The following SDK1 variants were observed in gnomAD, a reference collection of about 807,000 sequenced individuals.
SDK1 encodes the protein sidekick cell adhesion molecule 1.
SDK1 carries 157 observed loss-of-function variants against 245.5 expected under a neutral mutation model. The observed-to-expected ratio is 0.64, with a 90% CI of 0.56 to 0.73. SDK1 has a LOEUF of 0.73. Among genes scored for constraint, SDK1 ranks in the 30% least tolerant of loss-of-function variants. The probability of loss-of-function intolerance (pLI) is 0.00; values close to 1 mark genes in which losing one functional copy is unlikely to be tolerated. For missense variants in SDK1, 3,583 were observed against 3,002.3 expected, an observed-to-expected ratio of 1.19 and a Z score of -4.52; for synonymous variants, 1,647 against 1,278.5, an observed-to-expected ratio of 1.29 and a Z score of -6.15.
intron 1 of SDK1, among the ~76,000 whole-genome samples, chr7:3,555,537 T>C (rs1028518960): frequency 1.3e-5 from 2 of 152,120 alleles, no homozygotes; most frequent in Non-Finnish European, 2.9e-5. Flanking sequence ...AGTAATACTC[T>C]ACAAATATGG....
chr7:4,233,018 G>T (rs1785894795), intron 40 of SDK1: 1 of 450,108 alleles, frequency 2.2e-6, no homozygotes, highest in Non-Finnish European at 4.0e-6. Flanking sequence ...CATTTCAAGT[G>T]TCCAGTTCAG....
intron 5 of SDK1, among the ~76,000 whole-genome samples, chr7:3,841,994 A>T (rs573190675): frequency 6.6e-6 from 1 of 152,188 alleles, no homozygotes; most frequent in Non-Finnish European, 1.5e-5. Flanking sequence ...TAGTACTGAC[A>T]CCTCTCCTCC....
chr7:3,820,900 C>T (rs181359628), intron 4 of SDK1, among the ~76,000 whole-genome samples: 60 of 152,334 alleles, frequency 3.9e-4, no homozygotes, highest in African/African-American at 1.3e-3. Context: ...GTGAAAAAGA[C>T]GTGGCCTGGA....
At chr7:4,203,723 G>A (rs1266108632) in intron 35 of SDK1, among the ~76,000 whole-genome samples, 2 of 152,180 alleles carry the variant, frequency 1.3e-5, no homozygotes, top group Non-Finnish European at 2.9e-5. Context: ...CTCCTGTCAG[G>A]GTGGAGACCC....
At chr7:3,813,450 T>C (rs1159699472) in intron 4 of SDK1, among the ~76,000 whole-genome samples, 88 of 138,952 alleles carry the variant, frequency 6.3e-4, no homozygotes, top group African/African-American at 2.0e-3. Context: ...CTCATCATTT[T>C]TTATGGCTGC....
chr7:3,508,680 CT>C (rs1782476169), intron 1 of SDK1, among the ~76,000 whole-genome samples: 2 of 152,162 alleles, frequency 1.3e-5, no homozygotes, highest in South Asian at 4.1e-4. Flanking sequence ...TTCAAGAGAC[CT>C]TTCCTGATTC....
At chr7:3,610,356 A>G (rs913425896) in intron 1 of SDK1, among the ~76,000 whole-genome samples, 2 of 152,234 alleles carry the variant, frequency 1.3e-5, no homozygotes, top group Non-Finnish European at 2.9e-5. Context: ...AGAATCTTTG[A>G]AAGAAATATT....
chr7:4,131,415 C>G (rs565544464), intron 27 of SDK1, among the ~76,000 whole-genome samples: 16 of 152,328 alleles, frequency 1.1e-4, no homozygotes, highest in African/African-American at 3.8e-4. Context: ...CCTGTGGCCT[C>G]CTACAGACAT....
chr7:3,470,785 C>A (rs568368078), intron 1 of SDK1, among the ~76,000 whole-genome samples: 2 of 152,214 alleles, frequency 1.3e-5, no homozygotes, highest in Non-Finnish European at 2.9e-5. Flanking sequence ...GAGAGAATGG[C>A]TTAGGCTTAT....
In SDK1 at chr7:4,017,347, A is replaced by G; in HGVS notation, c.2597A>G (p.Gln866Arg). 3 of 1,608,290 alleles carry G rather than the reference A, an allele frequency of 1.9e-6. No individual in the cohort carries two copies. Among genetic ancestry groups the G allele is most frequent in the Non-Finnish European group, 2.5e-6 (3 of 1,177,038 alleles). ...FSRAVTEYTL[Q>R]GVPTAPPQNV... Reference sequence around the variant, plus strand: ...AGGGCAGTGACCGAGTACACCTTGCAGGGAGGTAAGCTTGTCTCCAAAACC... The same window carrying G: ...AGGGCAGTGACCGAGTACACCTTGCGGGGAGGTAAGCTTGTCTCCAAAACC... The change falls in exon 17 of 45, where the codon CAG becomes CGG. Residue 866 changes from glutamine (Q) to arginine (R), a missense_variant. By Grantham distance (43) the Gln-to-Arg change is conservative. Transcript: ENST00000404826.
intron 25 of SDK1, among the ~76,000 whole-genome samples, chr7:4,114,775 A>G (rs1036230681): frequency 3.3e-5 from 5 of 152,190 alleles, no homozygotes; most frequent in Non-Finnish European, 5.9e-5. Context: ...CTCTTCCACA[A>G]GGTGATTCAG....
intron 22 of SDK1, among the ~76,000 whole-genome samples, chr7:4,100,069 C>T (rs1012016651): frequency 6.6e-6 from 1 of 152,228 alleles, no homozygotes; most frequent in Non-Finnish European, 1.5e-5. Context: ...CTGCTGCTCT[C>T]CTCACGCCCC....
intron 1 of SDK1, among the ~76,000 whole-genome samples, chr7:3,308,150 G>T (rs1757974244): frequency 6.6e-6 from 1 of 152,120 alleles, no homozygotes; most frequent in South Asian, 2.1e-4. Flanking sequence ...TAATTTATCA[G>T]TATAAGCCTG....
intron 35 of SDK1, among the ~76,000 whole-genome samples, chr7:4,187,879 G>T (rs1240904070): frequency 1.3e-5 from 2 of 152,182 alleles, no homozygotes; most frequent in East Asian, 1.9e-4. Flanking sequence ...TCATGCTGCT[G>T]ATAAAGACAT....
intron 44 of SDK1, among the ~76,000 whole-genome samples, chr7:4,263,541 C>A (rs1217482847): frequency 1.2e-5 from 1 of 83,226 alleles, no homozygotes; most frequent in Non-Finnish European, 2.5e-5. Context: ...GCCGCGTAGA[C>A]GCCTCCTGAG....
intron 4 of SDK1, among the ~76,000 whole-genome samples, chr7:3,648,074 A>G (rs1782903692): frequency 1.3e-5 from 2 of 152,350 alleles, no homozygotes; most frequent in South Asian, 2.1e-4. Context: ...AAAGTTTGCT[A>G]TCTTTGCATA....
chr7:3,408,120 A>T (rs1035060604), intron 1 of SDK1, among the ~76,000 whole-genome samples: 3 of 152,080 alleles, frequency 2.0e-5, no homozygotes, highest in Non-Finnish European at 4.4e-5. Flanking sequence ...TTACTGCCAC[A>T]TCTGCCTCCC....
intron 22 of SDK1, among the ~76,000 whole-genome samples, chr7:4,081,920 T>C (rs1781086144): frequency 1.3e-5 from 2 of 152,182 alleles, no homozygotes; most frequent in Non-Finnish European, 2.9e-5. Flanking sequence ...ATCACACATG[T>C]GTCTAAAATG....
At chr7:3,567,412 G>C (rs949008616) in intron 1 of SDK1, among the ~76,000 whole-genome samples, 1 of 152,194 alleles carries the variant, frequency 6.6e-6, no homozygotes, top group East Asian at 1.9e-4. Context: ...GAGTTGATTG[G>C]TATGGACTTT....
Sources: allele counts gnomAD v4.1 joint callset (sites outside exome capture counted in the v4.1 genomes callset), GRCh38; gene constraint gnomAD v4.1.1; transcripts MANE v1.5; gene names NCBI Gene and HGNC (gene_info 2026-07-23, HGNC 2026-07-21).